The following ADAMTSL1 variants were observed in gnomAD, a reference collection of about 807,000 sequenced individuals.
The protein encoded by ADAMTSL1 is ADAMTS like 1.
Under a neutral mutation model 201.8 loss-of-function variants are expected in ADAMTSL1, and 126 were observed. The ratio of observed to expected loss-of-function variants is 0.62; its 90% CI spans 0.54 to 0.72. ADAMTSL1 has a LOEUF of 0.72. Ranked by LOEUF, ADAMTSL1 falls within the 30% of genes least tolerant of loss-of-function variation. ADAMTSL1 has a pLI of 0.00. For synonymous variants in ADAMTSL1, 1,121 were observed against 903.4 expected (o/e 1.24, Z -4.32); for missense variants, 2,679 against 2,277.8 (o/e 1.18, Z -3.59).
At position 18,541,747 on chromosome 9, in the gene ADAMTSL1, T is replaced by C. The variant is rs530153561; in HGVS notation, c.237+8455T>C. ...CATATAAAAATATCGTTCTAATATA[T>C]GTACAAACAGAAAATGTTAATACAA... On this transcript the variant is annotated intron_variant, in intron 3 of 28. Coordinates refer to ENST00000380548, the MANE Select transcript of ADAMTSL1 (RefSeq NM_001040272.6). Among the ~76,000 whole-genome samples, 151 of 152,306 alleles carry C rather than the reference T, an allele frequency of 9.9e-4. 2 individuals carry two copies. In the South Asian group the frequency reaches 0.024, roughly 24 times the overall value.
intron 13 of ADAMTSL1, among the ~76,000 whole-genome samples, chr9:18,701,196 A>G (rs1242593576): frequency 6.7e-6 from 1 of 149,686 alleles, no homozygotes; most frequent in Non-Finnish European, 1.5e-5. Context: ...TCCAGTAATC[A>G]GTAATCTTTT....
At chr9:18,674,758 C>G (rs931204211) in intron 9 of ADAMTSL1, among the ~76,000 whole-genome samples, 1 of 151,934 alleles carries the variant, frequency 6.6e-6, no homozygotes, top group Admixed American at 6.6e-5. Flanking sequence ...CCTTCAATAC[C>G]CCAAAGAGGG....
intron 14 of ADAMTSL1, among the ~76,000 whole-genome samples, chr9:18,713,950 C>G (rs2133375431): frequency 6.7e-6 from 1 of 149,968 alleles, no homozygotes; most frequent in East Asian, 1.9e-4. Flanking sequence ...GAATCTCACT[C>G]AAAACTGCTC....
At chr9:18,841,317 C>A (rs908919637) in intron 23 of ADAMTSL1, among the ~76,000 whole-genome samples, 4 of 151,930 alleles carry the variant, frequency 2.6e-5, no homozygotes, top group African/African-American at 7.3e-5. Flanking sequence ...GTCTTTGGTT[C>A]TGTTTATATG....
Position 18,889,548 on chromosome 9 carries a change from T to A in ADAMTSL1, c.4463-20T>A, listed in dbSNP as rs1563891605. ...AATTATGCTATATTCTTTTCTACAC[T>A]GCTCCTCCTCCCATGACAGATTACT... is the stretch of plus-strand genomic sequence containing the variant. On this transcript the variant is annotated intron_variant, in intron 24 of 28. Transcript: ENST00000380548. 8.1e-6 allele frequency: 13 copies of A among 1,612,470 alleles called. No homozygotes were observed. The highest frequency in any genetic ancestry group is 1.1e-5 in the Non-Finnish European group (13 of 1,179,204).
Position 18,555,167 on chromosome 9 carries a change from G to A in ADAMTSL1, c.238-18863G>A, listed in dbSNP as rs983287883. ...TTTTGCCTTACAGTCCTGGCATTAC[G>A]AGCAGATATTCATCTTCTTCCACAA... is the stretch of plus-strand genomic sequence containing the variant. On this transcript the variant is annotated intron_variant, in intron 3 of 28. Coordinates refer to ENST00000380548, the MANE Select transcript of ADAMTSL1 (RefSeq NM_001040272.6). Among the ~76,000 whole-genome samples, 22 of 151,570 alleles carry A rather than the reference G, an allele frequency of 1.5e-4. 1 individual carries two copies. The highest frequency in any genetic ancestry group is 1.3e-3 in the Admixed American group (19 of 15,170).
At chr9:18,331,294 C>T (rs1390408970) in intron 2 of ADAMTSL1, among the ~76,000 whole-genome samples, 1 of 152,144 alleles carries the variant, frequency 6.6e-6, no homozygotes. Flanking sequence ...AGACTTGAGT[C>T]TATAACCAGT....
At chr9:18,005,154 A>C (rs558374252) in intron 1 of ADAMTSL1, among the ~76,000 whole-genome samples, 1 of 152,206 alleles carries the variant, frequency 6.6e-6, no homozygotes, top group Admixed American at 6.5e-5. Context: ...ATATCATGGA[A>C]AGCTTCTTAG....
At chr9:18,157,092 G>A (rs10963478) in intron 1 of ADAMTSL1, among the ~76,000 whole-genome samples, 6 of 151,952 alleles carry the variant, frequency 3.9e-5, no homozygotes, top group Non-Finnish European at 8.8e-5. Flanking sequence ...TGGTGAAGAT[G>A]GTTGCTGAAT....
Position 18,841,953 on chromosome 9 carries a change from G to A in ADAMTSL1, c.4249+11976G>A, listed in dbSNP as rs1484482126. Among the ~76,000 whole-genome samples, 14 of 150,280 alleles carry A rather than the reference G, an allele frequency of 9.3e-5. No homozygotes were observed. In the East Asian group the frequency reaches 9.8e-4, roughly 10 times the overall value. ...TTTCTTCTTTATTAGTCTTGCTAGC[G>A]GTCTATCAATTTTGTTGATCCTTTC... On this transcript the variant is annotated intron_variant, in intron 23 of 28. Transcript: ENST00000380548.
intron 18 of ADAMTSL1, among the ~76,000 whole-genome samples, chr9:18,776,518 T>A (rs1480000033): frequency 6.6e-6 from 1 of 152,162 alleles, no homozygotes; most frequent in African/African-American, 2.4e-5. Context: ...GCCCACTGCA[T>A]CTCATTAGTT....
chr9:18,907,081 G>C, intron 28 of ADAMTSL1, 169 bp downstream of exon 28: 1 of 693,438 alleles, frequency 1.4e-6, no homozygotes, highest in South Asian at 1.9e-5. Context: ...TGTATGCAGA[G>C]AGGTGTATAT....
chr9:18,770,494 G>C lies in ADAMTSL1; in HGVS notation c.2218-108G>C, dbSNP rs1026808276. On this transcript the variant is annotated intron_variant, in intron 16 of 28. Transcript: ENST00000380548. Reference sequence around the variant, plus strand: ...GATTCCTGGTTTTTCTTCTTCTTCTGGATTTTTTTTTCTTCCTTTACTCTG... The same window carrying C: ...GATTCCTGGTTTTTCTTCTTCTTCTCGATTTTTTTTTCTTCCTTTACTCTG... 12 of 1,170,360 alleles carry C rather than the reference G, an allele frequency of 1.0e-5. No homozygotes were observed. In the African/African-American group the frequency reaches 1.9e-4, roughly 18 times the overall value. The allele number at this position is 1,170,360 out of a possible 1,614,324, so 72.5% of individuals were successfully genotyped here.
intron 15 of ADAMTSL1, among the ~76,000 whole-genome samples, chr9:18,743,712 C>T (rs1024725645): frequency 6.6e-6 from 1 of 152,162 alleles, no homozygotes; most frequent in Non-Finnish European, 1.5e-5. Flanking sequence ...GCCCCCGATT[C>T]TCATGGTGTG....
intron 1 of ADAMTSL1, among the ~76,000 whole-genome samples, chr9:18,110,196 G>T (rs1824943317): frequency 6.6e-6 from 1 of 152,138 alleles, no homozygotes; most frequent in South Asian, 2.1e-4. Context: ...TGAATATTTT[G>T]TGCAGCCATT....
intron 2 of ADAMTSL1, among the ~76,000 whole-genome samples, chr9:18,177,366 G>A (rs1828215723): frequency 6.6e-6 from 1 of 152,148 alleles, no homozygotes; most frequent in Non-Finnish European, 1.5e-5. Flanking sequence ...TAACTTCCTG[G>A]CAATTAATAA....
intron 2 of ADAMTSL1, among the ~76,000 whole-genome samples, chr9:18,466,418 A>G (rs1821007186): frequency 6.6e-6 from 1 of 152,178 alleles, no homozygotes; most frequent in South Asian, 2.1e-4. Flanking sequence ...GTCTTTTCAA[A>G]AGAAAGGCTC....
chr9:18,821,060 T>C (rs778291059), intron 21 of ADAMTSL1, among the ~76,000 whole-genome samples: 9 of 152,186 alleles, frequency 5.9e-5, no homozygotes, highest in African/African-American at 1.2e-4. Context: ...TCATAGATTA[T>C]GGTACAGTTT....
intron 5 of ADAMTSL1, among the ~76,000 whole-genome samples, chr9:18,624,171 T>C (rs1466328811): frequency 2.0e-5 from 3 of 152,164 alleles, no homozygotes; most frequent in African/African-American, 7.2e-5. Flanking sequence ...GTGGAAAATG[T>C]AATTCTGCAA....
Sources: allele counts gnomAD v4.1 joint callset (sites outside exome capture counted in the v4.1 genomes callset), GRCh38; gene constraint gnomAD v4.1.1; transcripts MANE v1.5; gene names NCBI Gene and HGNC (gene_info 2026-07-23, HGNC 2026-07-21).